ZNF804B: variants seen among roughly 807,000 people sequenced by gnomAD.
ZNF804B encodes zinc finger protein 804B.
In ZNF804B, 80 loss-of-function variants were observed where a neutral mutation model predicts 101.4. The observed-to-expected ratio is 0.79, with a 90% confidence interval of 0.66 to 0.95. ZNF804B has a LOEUF of 0.95. ZNF804B is among the 40% of genes least tolerant of loss of function. The pLI is 0.00. For synonymous variants in ZNF804B, 622 were observed against 558.8 expected, an observed-to-expected ratio of 1.11 and a Z score of -1.59; for missense variants, 1,673 against 1,561.9, an observed-to-expected ratio of 1.07 and a Z score of -1.20.
chr7:89,246,688 C>T (rs1425327332), intron 2 of ZNF804B, among the ~76,000 whole-genome samples: 1 of 152,008 alleles, frequency 6.6e-6, no homozygotes, highest in Admixed American at 6.5e-5. Context: ...TCTCTGCTGC[C>T]CACCCAGGCA....
At chr7:89,155,082 T>G (rs1189746761) in intron 1 of ZNF804B, among the ~76,000 whole-genome samples, 1 of 152,136 alleles carries the variant, frequency 6.6e-6, no homozygotes, top group African/African-American at 2.4e-5. Context: ...AATCCATATA[T>G]CTTATTGTAT....
chr7:89,076,442 C>G (rs149899106), intron 1 of ZNF804B, among the ~76,000 whole-genome samples: 1,673 of 152,300 alleles, frequency 0.011, 12 homozygotes, highest in Non-Finnish European at 0.017. Flanking sequence ...TCCTTGCCTT[C>G]TGCCATGATT....
intron 1 of ZNF804B, among the ~76,000 whole-genome samples, chr7:88,951,615 A>C (rs1194162422): frequency 2.0e-5 from 3 of 151,912 alleles, no homozygotes; most frequent in African/African-American, 7.2e-5. Flanking sequence ...TTTTACATTC[A>C]AGAAGTTCAA....
intron 1 of ZNF804B, among the ~76,000 whole-genome samples, chr7:88,883,311 CT>C (rs1409857627): frequency 6.6e-6 from 1 of 152,020 alleles, no homozygotes; most frequent in Admixed American, 6.6e-5. Flanking sequence ...AAAAAGAATC[CT>C]TTTTTTCTTT....
At chr7:89,167,509 G>A (rs1053921585) in intron 1 of ZNF804B, among the ~76,000 whole-genome samples, 2 of 150,878 alleles carry the variant, frequency 1.3e-5, no homozygotes, top group Admixed American at 1.3e-4. Flanking sequence ...TCAAACTAGT[G>A]TTGTTCAGGA....
intron 1 of ZNF804B, among the ~76,000 whole-genome samples, chr7:88,810,089 G>A (rs957719391): frequency 6.6e-6 from 1 of 152,040 alleles, no homozygotes; most frequent in Non-Finnish European, 1.5e-5. Flanking sequence ...CACTACCAAT[G>A]TTCCGTGATG....
chr7:88,843,054 G>A (rs900591372), intron 1 of ZNF804B, among the ~76,000 whole-genome samples: 2 of 152,100 alleles, frequency 1.3e-5, no homozygotes, highest in Non-Finnish European at 2.9e-5. Context: ...AATGAAGTTT[G>A]CTGTGATTCT....
At chr7:88,845,731 C>A in intron 1 of ZNF804B, among the ~76,000 whole-genome samples, 1 of 152,132 alleles carries the variant, frequency 6.6e-6, no homozygotes, top group Non-Finnish European at 1.5e-5. Flanking sequence ...CTAAAATCTT[C>A]CCTGAGCCTC....
At chr7:88,890,320 A>C (rs891967220) in intron 1 of ZNF804B, among the ~76,000 whole-genome samples, 6 of 152,202 alleles carry the variant, frequency 3.9e-5, no homozygotes, top group African/African-American at 1.4e-4. Context: ...TTTTTAATGA[A>C]TAAATCTCCT....
At chr7:89,048,520 A>G (rs775532563) in intron 1 of ZNF804B, among the ~76,000 whole-genome samples, 53 of 151,906 alleles carry the variant, frequency 3.5e-4, no homozygotes, top group Admixed American at 1.0e-3. Context: ...TGGGATGCTT[A>G]GAATTTTATT....
intron 1 of ZNF804B, among the ~76,000 whole-genome samples, chr7:88,872,428 A>C (rs1189574935): frequency 3.3e-5 from 5 of 152,172 alleles, no homozygotes; most frequent in Non-Finnish European, 7.3e-5. Context: ...AAAAGAAAAA[A>C]ATAAAATCCA....
intron 2 of ZNF804B, among the ~76,000 whole-genome samples, chr7:89,219,844 GTA>G (rs1231445218): frequency 4.0e-4 from 57 of 144,264 alleles, no homozygotes; most frequent in East Asian, 1.2e-3. Flanking sequence ...AAATATATAT[GTA>G]TATATATGTA....
intron 1 of ZNF804B, among the ~76,000 whole-genome samples, chr7:88,822,367 CTACT>C (rs1790996254): frequency 6.6e-6 from 1 of 152,136 alleles, no homozygotes; most frequent in African/African-American, 2.4e-5. Flanking sequence ...GTCATTTTCT[CTACT>C]TAAAGTTTAT....
At chr7:89,152,804 G>C (rs1562898529) in intron 1 of ZNF804B, among the ~76,000 whole-genome samples, 1 of 151,878 alleles carries the variant, frequency 6.6e-6, no homozygotes, top group African/African-American at 2.4e-5. Context: ...TGACATCTTT[G>C]TGCATAACCT....
At chr7:88,994,362 G>T (rs1793889940) in intron 1 of ZNF804B, among the ~76,000 whole-genome samples, 1 of 151,984 alleles carries the variant, frequency 6.6e-6, no homozygotes. Context: ...AACATGCAAA[G>T]ATGATGGATA....
At chr7:89,113,311 A>G (rs956011872) in intron 1 of ZNF804B, among the ~76,000 whole-genome samples, 1 of 152,204 alleles carries the variant, frequency 6.6e-6, no homozygotes, top group African/African-American at 2.4e-5. Flanking sequence ...AATGGCATGC[A>G]ATTTACCCAT....
At chr7:89,059,762 G>A (rs10241054) in intron 1 of ZNF804B, among the ~76,000 whole-genome samples, 24,632 of 152,046 alleles carry the variant, frequency 0.16, 2,315 homozygotes, top group East Asian at 0.23. Flanking sequence ...GTCAACTTGA[G>A]TGGATTAAGG....
intron 1 of ZNF804B, among the ~76,000 whole-genome samples, chr7:88,895,748 A>G (rs552022789): frequency 6.6e-6 from 1 of 152,242 alleles, no homozygotes; most frequent in African/African-American, 2.4e-5. Flanking sequence ...ACGGAAGACA[A>G]CTGAAAGAGC....
chr7:89,109,082 A>G (rs892268393), intron 1 of ZNF804B, among the ~76,000 whole-genome samples: 12 of 150,706 alleles, frequency 8.0e-5, no homozygotes, highest in African/African-American at 2.9e-4. Context: ...GAGAACATCA[A>G]TAAAGGAGAA....
Sources: allele counts gnomAD v4.1 joint callset (sites outside exome capture counted in the v4.1 genomes callset), GRCh38; gene constraint gnomAD v4.1.1; transcripts MANE v1.5; gene names NCBI Gene and HGNC (gene_info 2026-07-23, HGNC 2026-07-21).